Variants in KCNQ3 observed in about 807,000 individuals in gnomAD.
KCNQ3 encodes the protein potassium voltage-gated channel subfamily KQT member 3.
In KCNQ3, 30 loss-of-function variants were observed where a neutral mutation model predicts 92.5. The observed-to-expected ratio is 0.32, with a 90% CI of 0.24 to 0.44. KCNQ3 has a LOEUF of 0.44. Among genes scored for constraint, KCNQ3 ranks in the 20% least tolerant of loss-of-function variants. The pLI is 1.00. For synonymous variants in KCNQ3, 450 were observed against 468.8 expected, an observed-to-expected ratio of 0.96 and a Z score of 0.52; for missense variants, 913 against 1,140.3, an observed-to-expected ratio of 0.80 and a Z score of 2.87.
intron 1 of KCNQ3, among the ~76,000 whole-genome samples, chr8:132,439,544 A>G (rs909492970): frequency 6.6e-6 from 1 of 152,168 alleles, no homozygotes; most frequent in Non-Finnish European, 1.5e-5. Flanking sequence ...GGAACAAAGT[A>G]TGGTAATCAG....
At chr8:132,182,886 A>G (rs62519596) in intron 3 of KCNQ3, among the ~76,000 whole-genome samples, 5,801 of 144,262 alleles carry the variant, frequency 0.04, 169 homozygotes, top group Non-Finnish European at 0.058. Flanking sequence ...AATATCGCAC[A>G]CACACACACA....
At chr8:132,227,058 C>CTTTTTTTTT (rs1563813401) in intron 1 of KCNQ3, among the ~76,000 whole-genome samples, 1 of 88,662 alleles carries the variant, frequency 1.1e-5, no homozygotes, top group African/African-American at 5.6e-5. Flanking sequence ...ACATATCTCA[C>CTTTTTTTTT]TCTTTTTTTT....
chr8:132,397,918 G>A (rs1586985441), intron 1 of KCNQ3, among the ~76,000 whole-genome samples: 2 of 152,084 alleles, frequency 1.3e-5, no homozygotes, highest in South Asian at 4.2e-4. Flanking sequence ...CAAAATCCTA[G>A]GAAATTTTTT....
chr8:132,387,116 C>G (rs1819909600), intron 1 of KCNQ3, among the ~76,000 whole-genome samples: 2 of 152,154 alleles, frequency 1.3e-5, no homozygotes, highest in South Asian at 4.2e-4. Flanking sequence ...TCACAGAAGC[C>G]AAAATCCTAA....
chr8:132,220,663 T>G (rs1196566068), intron 1 of KCNQ3, among the ~76,000 whole-genome samples: 1 of 152,024 alleles, frequency 6.6e-6, no homozygotes, highest in Non-Finnish European at 1.5e-5. Flanking sequence ...GCAGGAGAAT[T>G]GTTTGAGTTT....
chr8:132,369,691 T>G (rs1373671953), intron 1 of KCNQ3, among the ~76,000 whole-genome samples: 1 of 152,028 alleles, frequency 6.6e-6, no homozygotes, highest in African/African-American at 2.4e-5. Context: ...CAAGATTCAG[T>G]TACTCGTCCA....
rs926800384 is a variant in KCNQ3, at chr8:132,134,302, T to G, written c.1787A>C (p.Gln596Pro). The G allele has an allele frequency of 3.1e-6, 5 of 1,613,670 alleles. No individual in the cohort carries two copies. Among genetic ancestry groups the G allele is most frequent in the Non-Finnish European group, 4.2e-6 (5 of 1,179,752 alleles). ...QKGSAFTFPS[Q>P]QSPRNEPYVA... The stretch of plus-strand genomic sequence containing the variant: ...CCACTGGCCCCACCTGGGAGATTGC[T>G]GGGATGGGAAGGTGAATGCTGACCC... The change falls in exon 13 of 15, where the codon CAG (glutamine) becomes CCG (proline). Residue 596 changes from glutamine (Q) to proline (P), a missense_variant. By Grantham distance (76) the Gln-to-Pro change is moderately conservative. Around this residue, in one of 6 missense-constraint regions of KCNQ3, gnomAD observed 375 missense variants for 376.4 expected, o/e 1.00. Transcript: ENST00000388996.
At chr8:132,477,254 CAAGGT>C (rs1822434737) in intron 1 of KCNQ3, among the ~76,000 whole-genome samples, 1 of 151,148 alleles carries the variant, frequency 6.6e-6, no homozygotes, top group African/African-American at 2.4e-5. Flanking sequence ...GCAAAAGAAA[CAAGGT>C]AAGGGTTTGA....
At chr8:132,149,689 C>T (rs111506079) in intron 9 of KCNQ3, among the ~76,000 whole-genome samples, 17 of 152,310 alleles carry the variant, frequency 1.1e-4, no homozygotes, top group African/African-American at 2.4e-4. Flanking sequence ...CACAGACACG[C>T]GCGCGGGACA....
chr8:132,259,904 A>C (rs1379530586), intron 1 of KCNQ3, among the ~76,000 whole-genome samples: 2 of 152,212 alleles, frequency 1.3e-5, no homozygotes, highest in Non-Finnish European at 2.9e-5. Context: ...TACATGTACA[A>C]TAGTAACAAA....
intron 3 of KCNQ3, among the ~76,000 whole-genome samples, chr8:132,183,808 A>G (rs897457647): frequency 6.6e-5 from 10 of 152,238 alleles, no homozygotes; most frequent in African/African-American, 2.4e-4. Context: ...TGGACATAAC[A>G]TGATGCTGTA....
At chr8:132,222,374 G>T (rs1385820852) in intron 1 of KCNQ3, among the ~76,000 whole-genome samples, 1 of 152,202 alleles carries the variant, frequency 6.6e-6, no homozygotes, top group African/African-American at 2.4e-5. Context: ...TTCACAGCAG[G>T]TTAATAAATA....
intron 1 of KCNQ3, among the ~76,000 whole-genome samples, chr8:132,429,210 G>GA (rs2130821447): frequency 6.6e-6 from 1 of 152,310 alleles, no homozygotes; most frequent in African/African-American, 2.4e-5. Context: ...GGATGACCTG[G>GA]TCATCTCTGG....
chr8:132,467,031 G>A (rs1822188522), intron 1 of KCNQ3, among the ~76,000 whole-genome samples: 1 of 152,120 alleles, frequency 6.6e-6, no homozygotes, highest in South Asian at 2.1e-4. Flanking sequence ...ACACTCTGTT[G>A]GCCACAGTCC....
intron 1 of KCNQ3, among the ~76,000 whole-genome samples, chr8:132,241,706 C>T (rs1273261414): frequency 6.6e-6 from 1 of 152,104 alleles, no homozygotes; most frequent in Non-Finnish European, 1.5e-5. Context: ...TGCTGGCGGG[C>T]ACTTGTAATC....
intron 1 of KCNQ3, among the ~76,000 whole-genome samples, chr8:132,208,197 C>T (rs1407579282): frequency 6.6e-6 from 1 of 152,138 alleles, no homozygotes; most frequent in African/African-American, 2.4e-5. Context: ...CAGTTCTGCC[C>T]TTAAGATATG....
intron 1 of KCNQ3, among the ~76,000 whole-genome samples, chr8:132,339,660 G>T (rs1443326954): frequency 6.6e-6 from 1 of 151,102 alleles, no homozygotes; most frequent in African/African-American, 2.4e-5. Context: ...AATGAGCCGA[G>T]ATCTCACCTG....
At chr8:132,257,765 A>AAAG (rs1815641309) in intron 1 of KCNQ3, among the ~76,000 whole-genome samples, 1 of 85,094 alleles carries the variant, frequency 1.2e-5, no homozygotes, top group African/African-American at 3.1e-5. Context: ...AAAAAAAAAA[A>AAAG]AGAGAGAGAG....
At chr8:132,357,858 A>G (rs4576409) in intron 1 of KCNQ3, among the ~76,000 whole-genome samples, 25,505 of 152,094 alleles carry the variant, frequency 0.17, 2,589 homozygotes, top group African/African-American at 0.28. Context: ...TTGCACTCCA[A>G]TGAGTCACCT....
Sources: allele counts gnomAD v4.1 joint callset (sites outside exome capture counted in the v4.1 genomes callset), GRCh38; gene constraint gnomAD v4.1.1; regional missense constraint gnomAD v4.1.1; transcripts MANE v1.5; gene names NCBI Gene and HGNC (gene_info 2026-07-23, HGNC 2026-07-21).